LYPD1: variants seen among roughly 807,000 people sequenced by gnomAD.
LYPD1 encodes the protein ly6/PLAUR domain-containing protein 1.
LYPD1 carries 14 observed loss-of-function variants against 14.2 expected under a neutral mutation model. The ratio of observed to expected loss-of-function variants is 0.99; its 90% CI spans 0.65 to 1.54. The LOEUF is 1.54. LYPD1 is among the 40% of genes most tolerant of loss of function. The probability of loss-of-function intolerance (pLI) is 0.00; values close to 1 mark genes in which losing one functional copy is unlikely to be tolerated. For missense variants in LYPD1, 165 were observed against 175.7 expected, an observed-to-expected ratio of 0.94 and a Z score of 0.34; for synonymous variants, 85 against 70.6, an observed-to-expected ratio of 1.20 and a Z score of -1.02.
intron 2 of LYPD1, among the ~76,000 whole-genome samples, chr2:132,647,468 T>C (rs1682160940): frequency 1.3e-5 from 2 of 152,198 alleles, no homozygotes; most frequent in African/African-American, 4.8e-5. Flanking sequence ...TCTTGCTCTG[T>C]CGCCCAGGCG....
rs1379542906 is a variant in LYPD1, at chr2:132,645,464, A to G, written c.*581T>C. The G allele has an allele frequency of 1.9e-6, 3 of 1,613,390 alleles. No homozygotes were observed. The highest frequency in any genetic ancestry group is 2.5e-6 in the Non-Finnish European group (3 of 1,180,028). On this transcript the variant is annotated 3_prime_UTR_variant, in exon 3 of 3. Coordinates refer to ENST00000397463, the MANE Select transcript of LYPD1 (RefSeq NM_144586.7). Reference sequence around the variant, plus strand: ...CAGTCCTCTGCAAGGAGAACTGAGAAGATTTTCTTAAGCACTTTTCAGAGC... The same window carrying G: ...CAGTCCTCTGCAAGGAGAACTGAGAGGATTTTCTTAAGCACTTTTCAGAGC...
rs1013633218 is a variant in LYPD1, at chr2:132,644,831, A to G, written c.*1214T>C. ...CAATGAAAACATTTTTTTAAAATTAACAGACATCAACTGGTATAAATACAC... is the reference window on the plus strand; with the variant it reads ...CAATGAAAACATTTTTTTAAAATTAGCAGACATCAACTGGTATAAATACAC... On this transcript the variant is annotated 3_prime_UTR_variant, in exon 3 of 3. Transcript: ENST00000397463. The G allele has an allele frequency of 4.8e-6, 2 of 418,412 alleles. No homozygotes were observed. Among genetic ancestry groups the G allele is most frequent in the African/African-American group, 4.1e-5 (2 of 48,620 alleles). 25.9% of individuals were successfully genotyped at this position (418,412 alleles called of 1,614,324 possible). A position where few individuals can be genotyped will look rare whatever the true frequency, so the allele number is the denominator to read the frequency against.
At chr2:132,670,507 G>A (rs189271928), upstream of LYPD1, among the ~76,000 whole-genome samples, 63 of 152,288 alleles carry the variant, frequency 4.1e-4, 1 homozygote, top group Middle Eastern at 0.01. This position sits in a 1 kb window ranked among gnomAD's most constrained non-coding sequence, Gnocchi z 4.5. Context: ...TAGGGTCTGA[G>A]GACTGCGTGC....
chr2:132,668,290 G>T, intron 2 of LYPD1, 110 bp downstream of exon 2: 2 of 1,329,550 alleles, frequency 1.5e-6, no homozygotes, highest in Non-Finnish European at 2.0e-6. Context: ...GATAACCAGT[G>T]TGTGGGCATT....
In LYPD1 at chr2:132,669,471, G is replaced by T. The variant is rs1022906804; in HGVS notation, c.52+410C>A. ...GCAGCAACCCAGCTTCAGCGTGGCC[G>T]CAGGCTGCCTCGCGCATCGCTCACC... On this transcript the variant is annotated intron_variant, in intron 1 of 2. Coordinates refer to ENST00000397463, the MANE Select transcript of LYPD1 (RefSeq NM_144586.7). This position sits in a 1 kb window ranked among gnomAD's most constrained non-coding sequence, Gnocchi z 4.3. Among the ~76,000 whole-genome samples the T allele has an allele frequency of 2.6e-5, 4 of 152,124 alleles. No individual in the cohort carries two copies. Among genetic ancestry groups the T allele is most frequent in the African/African-American group, 7.2e-5 (3 of 41,436 alleles).
chr2:132,669,990 G>A lies in LYPD1; in HGVS notation c.-58C>T, dbSNP rs777330809. ...GCGCATCAGAGGAGGCGACAGCAGCGGAGGCTGCCCCGGCTGCAGCGGCTG... is the reference window on the plus strand; with the variant it reads ...GCGCATCAGAGGAGGCGACAGCAGCAGAGGCTGCCCCGGCTGCAGCGGCTG... On this transcript the variant is annotated 5_prime_UTR_variant, in exon 1 of 3. Coordinates refer to ENST00000397463, the MANE Select transcript of LYPD1 (RefSeq NM_144586.7). This position sits in a 1 kb window ranked among gnomAD's most constrained non-coding sequence, Gnocchi z 4.3. The A allele has an allele frequency of 3.1e-6, 5 of 1,596,364 alleles. No homozygotes were observed. The highest frequency in any genetic ancestry group is 4.3e-6 in the Non-Finnish European group (5 of 1,175,172).
intron 2 of LYPD1, among the ~76,000 whole-genome samples, chr2:132,656,710 G>A (rs901072694): frequency 2.0e-5 from 3 of 152,130 alleles, no homozygotes; most frequent in Non-Finnish European, 2.9e-5. Flanking sequence ...TTTGTGCTCT[G>A]GCTCTTAAGT....
chr2:132,647,773 G>A (rs371757483), intron 2 of LYPD1, among the ~76,000 whole-genome samples: 19 of 152,242 alleles, frequency 1.2e-4, no homozygotes, highest in African/African-American at 4.1e-4. Context: ...ACCAGCAGCC[G>A]GGGCTCCTTA....
Position 132,670,162 on chromosome 2 carries a change from G to A in LYPD1, c.-230C>T, listed in dbSNP as rs775081826. On this transcript the variant is annotated 5_prime_UTR_variant, in exon 1 of 3. Transcript: ENST00000397463. This position sits in a 1 kb window ranked among gnomAD's most constrained non-coding sequence, Gnocchi z 4.5. ...CTCTGCTCCTCCCGCTCGCGCTCCC[G>A]GGCCGAGCACCGCGCCTCCGGAGTT... The A allele has an allele frequency of 7.4e-7, 1 of 1,346,872 alleles. No individual in the cohort carries two copies. The highest frequency in any genetic ancestry group is 9.5e-7 in the Non-Finnish European group (1 of 1,051,818). 83.4% of individuals were successfully genotyped at this position (1,346,872 alleles called of 1,614,324 possible). A position where few individuals can be genotyped will look rare whatever the true frequency, so the allele number is the denominator to read the frequency against.
Position 132,645,417 on chromosome 2 carries a change from G to C in LYPD1, c.*628C>G, listed in dbSNP as rs761843800. ...ACAGCGCCCGCTTTGTGCAGCGCCC[G>C]TTGCTCTTCGCGTCCCGGCGCCAGT... On this transcript the variant is annotated 3_prime_UTR_variant, in exon 3 of 3. Coordinates refer to ENST00000397463, the MANE Select transcript of LYPD1 (RefSeq NM_144586.7). The C allele has an allele frequency of 2.5e-6, 4 of 1,613,552 alleles. No individual in the cohort carries two copies. Among genetic ancestry groups the C allele is most frequent in the Non-Finnish European group, 3.4e-6 (4 of 1,180,028 alleles).
upstream of LYPD1, chr2:132,671,428 C>G (rs1683730113): frequency 6.6e-6 from 1 of 152,304 alleles, no homozygotes; most frequent in Non-Finnish European, 1.5e-5. Flanking sequence ...CACGCCGGGA[C>G]GCTGATCATT....
chr2:132,668,851 A>T (rs1683452613), intron 1 of LYPD1, among the ~76,000 whole-genome samples: 1 of 152,216 alleles, frequency 6.6e-6, no homozygotes, highest in African/African-American at 2.4e-5. Flanking sequence ...CCACCGCAAG[A>T]GTGAAGTAGC....
In LYPD1 at chr2:132,643,786, TTGAGA is replaced by T; in HGVS notation, c.*2254_*2258del. 6.6e-6 allele frequency among the ~76,000 whole-genome samples: 1 copy of T among 152,308 alleles called. No homozygotes were observed. The highest frequency in any genetic ancestry group is 1.9e-4 in the East Asian group (1 of 5,174). ...CCTTCTGCCTTGGCCTCCCAGAGTA[TTGAGA>T]TATCAGGCATGCGCCACCATGTCTG... On this transcript the variant is annotated 3_prime_UTR_variant, in exon 3 of 3. Coordinates refer to ENST00000397463, the MANE Select transcript of LYPD1 (RefSeq NM_144586.7).
chr2:132,649,506 G>A (rs149339127), intron 2 of LYPD1, among the ~76,000 whole-genome samples: 50 of 152,304 alleles, frequency 3.3e-4, no homozygotes, highest in Admixed American at 1.4e-3. Context: ...AGGGACAAAC[G>A]GGAATGGTTT....
chr2:132,651,591 A>G (rs1237860215), intron 2 of LYPD1, among the ~76,000 whole-genome samples: 1 of 152,232 alleles, frequency 6.6e-6, no homozygotes, highest in Non-Finnish European at 1.5e-5. Flanking sequence ...CTTCAAAACA[A>G]AACACACTTT....
intron 2 of LYPD1, among the ~76,000 whole-genome samples, chr2:132,662,325 AAC>A (rs1558885380): frequency 6.6e-6 from 1 of 152,190 alleles, no homozygotes; most frequent in East Asian, 1.9e-4. Context: ...CTCATAAGAA[AAC>A]AGTCAGCCTG....
At chr2:132,646,848 G>A (rs534083285) in intron 2 of LYPD1, among the ~76,000 whole-genome samples, 1 of 152,310 alleles carries the variant, frequency 6.6e-6, no homozygotes, top group East Asian at 1.9e-4. Flanking sequence ...CTGACCGTGT[G>A]TCCCTCACAG....
chr2:132,650,824 G>A (rs906163803), intron 2 of LYPD1, among the ~76,000 whole-genome samples: 4 of 151,458 alleles, frequency 2.6e-5, no homozygotes, highest in Non-Finnish European at 5.9e-5. Flanking sequence ...TTTAATCTTT[G>A]TAGTAACTCT....
Position 132,645,202 on chromosome 2 carries a change from C to T in LYPD1, c.*843G>A, listed in dbSNP as rs752146004. ...GCACGACTGGACGAGGTCCTACTTC[C>T]GGGCGTACATGATCCTCCTCCCCTT... On this transcript the variant is annotated 3_prime_UTR_variant, in exon 3 of 3. Transcript: ENST00000397463. The T allele has an allele frequency of 1.4e-5, 22 of 1,614,054 alleles. No homozygotes were observed. The highest frequency in any genetic ancestry group is 7.7e-5 in the South Asian group (7 of 91,088).
Sources: allele counts gnomAD v4.1 joint callset (sites outside exome capture counted in the v4.1 genomes callset), GRCh38; gene constraint gnomAD v4.1.1; non-coding constraint Gnocchi (gnomAD v3.1); transcripts MANE v1.5; gene names NCBI Gene and HGNC (gene_info 2026-07-23, HGNC 2026-07-21).